Variants in RIMS2 observed in about 807,000 individuals in gnomAD.
RIMS2 encodes the protein regulating synaptic membrane exocytosis protein 2.
In RIMS2, 59 loss-of-function variants were observed where a neutral mutation model predicts 174.4. That is an observed-to-expected ratio of 0.34 (90% CI 0.27 to 0.42). The LOEUF is 0.42. Ranked by LOEUF, RIMS2 falls within the 10% of genes least tolerant of loss-of-function variation. The pLI is 1.00. For synonymous variants in RIMS2, 606 were observed against 572.5 expected (o/e 1.06, Z -0.84); for missense variants, 1,620 against 1,666.3 (o/e 0.97, Z 0.48).
At chr8:103,928,001 A>G (rs1179806724) in intron 11 of RIMS2, 3 of 748,676 alleles carry the variant, frequency 4.0e-6, no homozygotes, top group Non-Finnish European at 6.5e-6. Context: ...TCCAAATCAT[A>G]TTATTGACTT....
intron 19 of RIMS2, among the ~76,000 whole-genome samples, chr8:104,112,931 A>G (rs1019779235): frequency 1.3e-5 from 2 of 152,232 alleles, no homozygotes; most frequent in Non-Finnish European, 2.9e-5. Context: ...CAAATTTTAA[A>G]TATCAAAGTA....
rs141259212 is a variant in RIMS2 at position 103,654,116 on chromosome 8, A to G, written c.177-42970A>G. ...AGCTTAAAATAAAATGGAGAAACCA[A>G]TAACAAAATATAATTAGATGTAATT... On this transcript the variant is annotated intron_variant, in intron 1 of 23. Transcript: ENST00000504942. 1.6e-3 allele frequency among the ~76,000 whole-genome samples: 237 copies of G among 152,190 alleles called. 6 individuals carry two copies. In the East Asian group the frequency reaches 0.042, roughly 27 times the overall value.
intron 19 of RIMS2, among the ~76,000 whole-genome samples, chr8:104,058,018 G>A (rs1024697282): frequency 6.6e-5 from 10 of 152,078 alleles, no homozygotes; most frequent in East Asian, 1.9e-4. Context: ...GAATGGTGCC[G>A]CAATAAACAT....
At chr8:104,219,084 T>G (rs1407177499) in intron 19 of RIMS2, among the ~76,000 whole-genome samples, 3 of 152,226 alleles carry the variant, frequency 2.0e-5, no homozygotes, top group African/African-American at 7.2e-5. Context: ...GATACATAAA[T>G]GACATGTAAC....
chr8:104,161,325 T>C (rs1398994921), intron 19 of RIMS2, among the ~76,000 whole-genome samples: 1 of 152,040 alleles, frequency 6.6e-6, no homozygotes, highest in Non-Finnish European at 1.5e-5. Flanking sequence ...ATTTTGGACA[T>C]GGGAAATATT....
chr8:104,123,353 T>C (rs932239875), intron 19 of RIMS2, among the ~76,000 whole-genome samples: 1 of 152,030 alleles, frequency 6.6e-6, no homozygotes, highest in African/African-American at 2.4e-5. Context: ...AAATCATCTA[T>C]ATCTTTTATT....
At chr8:103,885,513 A>G (rs2099195070) in exon 4 of RIMS2, 4 of 1,612,496 alleles carry the variant, frequency 2.5e-6, no homozygotes, top group Non-Finnish European at 3.4e-6. Flanking sequence ...AGGCATTCCA[A>G]AGAATATATT....
chr8:104,014,636 T>A, intron 19 of RIMS2, 21 bp downstream of exon 21: 1 of 1,458,150 alleles, frequency 6.9e-7, no homozygotes, highest in Non-Finnish European at 9.6e-7. Context: ...TTTCTAATTG[T>A]CTCGTTTAGG....
chr8:104,116,242 A>G (rs1489724637), intron 19 of RIMS2, among the ~76,000 whole-genome samples: 1 of 152,150 alleles, frequency 6.6e-6, no homozygotes, highest in East Asian at 1.9e-4. Flanking sequence ...ACTCTGCCTC[A>G]TTTTTCTCAG....
At chr8:103,859,774 C>A (rs1046784832) in intron 3 of RIMS2, among the ~76,000 whole-genome samples, 1 of 152,032 alleles carries the variant, frequency 6.6e-6, no homozygotes, top group African/African-American at 2.4e-5. Flanking sequence ...AGGGTAATTA[C>A]TTGTTATGTG....
intron 3 of RIMS2, among the ~76,000 whole-genome samples, chr8:103,804,403 A>C (rs746318110): frequency 2.6e-5 from 4 of 152,162 alleles, no homozygotes; most frequent in Non-Finnish European, 5.9e-5. Flanking sequence ...TTTTGGAATA[A>C]ATTTTCCGTA....
chr8:104,201,808 A>G (rs2099056264), intron 19 of RIMS2, among the ~76,000 whole-genome samples: 1 of 152,184 alleles, frequency 6.6e-6, no homozygotes, highest in South Asian at 2.1e-4. Flanking sequence ...ATTTGTAATG[A>G]TTTAGGATGC....
At chr8:103,606,951 A>T (rs537724560) in intron 1 of RIMS2, among the ~76,000 whole-genome samples, 2 of 152,036 alleles carry the variant, frequency 1.3e-5, no homozygotes, top group East Asian at 1.9e-4. Flanking sequence ...TTGACTCTTT[A>T]TCCAATTTGC....
At chr8:104,062,763 A>G (rs141193704) in intron 19 of RIMS2, among the ~76,000 whole-genome samples, 385 of 152,128 alleles carry the variant, frequency 2.5e-3, no homozygotes, top group African/African-American at 8.7e-3. Flanking sequence ...AGTTTTGTTC[A>G]TTTTAAATAT....
intron 3 of RIMS2, among the ~76,000 whole-genome samples, chr8:103,838,810 A>T (rs1389638349): frequency 6.6e-6 from 1 of 152,200 alleles, no homozygotes; most frequent in Non-Finnish European, 1.5e-5. Context: ...TCACGCCTGT[A>T]ATCCCAGCAC....
intron 15 of RIMS2, among the ~76,000 whole-genome samples, chr8:103,972,094 C>T (rs1287917102): frequency 6.6e-6 from 1 of 152,090 alleles, no homozygotes; most frequent in East Asian, 1.9e-4. Flanking sequence ...TATGCTAAAA[C>T]TCCCAAATGT....
intron 3 of RIMS2, among the ~76,000 whole-genome samples, chr8:103,814,212 A>C (rs1265724528): frequency 6.6e-6 from 1 of 152,178 alleles, no homozygotes; most frequent in Non-Finnish European, 1.5e-5. Flanking sequence ...ACACGTGGAC[A>C]CATAGAGGGG....
At chr8:103,665,873 AAAATG>A (rs1262096347) in intron 1 of RIMS2, among the ~76,000 whole-genome samples, 1 of 152,222 alleles carries the variant, frequency 6.6e-6, no homozygotes, top group Non-Finnish European at 1.5e-5. Context: ...ATAAAACTAA[AAAATG>A]TTTTTCTTCT....
chr8:103,842,575 A>G (rs1294410017), intron 3 of RIMS2, among the ~76,000 whole-genome samples: 7 of 152,080 alleles, frequency 4.6e-5, no homozygotes, highest in Non-Finnish European at 1.0e-4. Flanking sequence ...CTGATGTTTA[A>G]TTACTATGTC....
Sources: gnomAD v4.1 joint callset for allele counts (sites outside exome capture counted in the v4.1 genomes callset) on GRCh38, gnomAD v4.1.1 for gene constraint, MANE v1.5 for transcripts, NCBI Gene and HGNC (gene_info 2026-07-23, HGNC 2026-07-21) for gene names.